Variants in GPC6 observed in about 807,000 individuals in gnomAD.
GPC6 encodes the protein glypican 6.
In GPC6, 14 loss-of-function variants were observed where a neutral mutation model predicts 55.2. The observed-to-expected ratio is 0.25, with a 90% CI of 0.17 to 0.40. GPC6 has a LOEUF of 0.40. GPC6 is among the 10% of genes least tolerant of loss of function. The pLI, the probability that GPC6 is intolerant of heterozygous loss-of-function variation, is 1.00. For synonymous variants in GPC6, 278 were observed against 259.6 expected (o/e 1.07, Z -0.68); for missense variants, 641 against 708.5 (o/e 0.90, Z 1.08).
intron 3 of GPC6, among the ~76,000 whole-genome samples, chr13:93,972,667 T>A (rs1880334968): frequency 6.6e-6 from 1 of 152,114 alleles, no homozygotes; most frequent in Non-Finnish European, 1.5e-5. Flanking sequence ...AAAAATAGAT[T>A]TTAAGAGTTT....
chr13:93,516,326 G>T (rs1456496603), intron 1 of GPC6, among the ~76,000 whole-genome samples: 1 of 152,086 alleles, frequency 6.6e-6, no homozygotes, highest in Non-Finnish European at 1.5e-5. Flanking sequence ...CTTGAATGGA[G>T]TCCTTATTAA....
intron 3 of GPC6, among the ~76,000 whole-genome samples, chr13:93,874,451 G>A (rs1889226301): frequency 6.6e-6 from 1 of 151,586 alleles, no homozygotes; most frequent in Non-Finnish European, 1.5e-5. Context: ...ATCTGCCACT[G>A]ATGGATGTTT....
At chr13:93,677,140 A>G (rs188726543) in intron 2 of GPC6, among the ~76,000 whole-genome samples, 1 of 152,294 alleles carries the variant, frequency 6.6e-6, no homozygotes, top group African/African-American at 2.4e-5. Flanking sequence ...AAAGTGTTAG[A>G]TTGAAGCAAT....
chr13:93,637,798 G>A (rs1252079018), intron 2 of GPC6, among the ~76,000 whole-genome samples: 1 of 152,066 alleles, frequency 6.6e-6, no homozygotes, highest in Non-Finnish European at 1.5e-5. Context: ...AGCCTGAAAT[G>A]CATTGCTAGA....
intron 4 of GPC6, among the ~76,000 whole-genome samples, chr13:94,131,005 TAA>T (rs1886983057): frequency 6.6e-6 from 1 of 152,156 alleles, no homozygotes; most frequent in Non-Finnish European, 1.5e-5. Flanking sequence ...TATTCTGAAT[TAA>T]TGAATTGCAA....
intron 3 of GPC6, among the ~76,000 whole-genome samples, chr13:93,851,694 G>C (rs1251655572): frequency 6.6e-6 from 1 of 151,748 alleles, no homozygotes; most frequent in Admixed American, 6.6e-5. Context: ...TTGAAAAACA[G>C]CATTATGTTT....
chr13:93,645,577 G>A (rs971095100), intron 2 of GPC6, among the ~76,000 whole-genome samples: 7 of 152,096 alleles, frequency 4.6e-5, no homozygotes, highest in Non-Finnish European at 8.8e-5. Flanking sequence ...ACTGTTCCTC[G>A]TACGTTTGAC....
At chr13:94,317,285 C>T (rs1455828323) in intron 6 of GPC6, among the ~76,000 whole-genome samples, 1 of 152,154 alleles carries the variant, frequency 6.6e-6, no homozygotes, top group Non-Finnish European at 1.5e-5. Context: ...GGATTTTGAC[C>T]TCAGAAAACT....
chr13:93,303,148 T>A (rs1038914913), intron 1 of GPC6, among the ~76,000 whole-genome samples: 3 of 152,200 alleles, frequency 2.0e-5, no homozygotes, highest in African/African-American at 7.2e-5. Flanking sequence ...CTTACACTAC[T>A]TCAATGGAGC....
At chr13:93,766,215 C>A (rs1885126925) in intron 2 of GPC6, among the ~76,000 whole-genome samples, 1 of 152,082 alleles carries the variant, frequency 6.6e-6, no homozygotes, top group Non-Finnish European at 1.5e-5. Context: ...TCAAATGATG[C>A]CGTTTTTAAT....
intron 2 of GPC6, among the ~76,000 whole-genome samples, chr13:93,676,117 AAAAAAAAAAATATATATATATAT>A (rs1289792025): frequency 1.8e-4 from 3 of 16,894 alleles, no homozygotes; most frequent in African/African-American, 4.1e-4. Context: ...AAAAAAAAAA[AAAAAAAAAAATATATATATATAT>A]ATATATATAT....
chr13:93,976,668 T>C (rs1319157465), intron 3 of GPC6, among the ~76,000 whole-genome samples: 1 of 151,456 alleles, frequency 6.6e-6, no homozygotes, highest in African/African-American at 2.4e-5. Context: ...TTGCTGTGAC[T>C]AGAAGCTCAT....
chr13:94,095,257 A>T, intron 4 of GPC6, among the ~76,000 whole-genome samples: 1 of 152,160 alleles, frequency 6.6e-6, no homozygotes, highest in East Asian at 1.9e-4. Flanking sequence ...AAAGAGTAGT[A>T]GGAAGTAAAG....
chr13:93,772,258 G>A (rs573862581), intron 2 of GPC6, among the ~76,000 whole-genome samples: 1 of 152,156 alleles, frequency 6.6e-6, no homozygotes, highest in East Asian at 1.9e-4. Flanking sequence ...GAAGATATCG[G>A]CATTGGTTAG....
chr13:94,361,333 ACT>A (rs1879050705), intron 6 of GPC6, among the ~76,000 whole-genome samples: 1 of 152,148 alleles, frequency 6.6e-6, no homozygotes, highest in Non-Finnish European at 1.5e-5. Context: ...AGTACCTGAC[ACT>A]CTGTAGTTGC....
At chr13:94,379,126 G>A (rs1242727120) in intron 6 of GPC6, among the ~76,000 whole-genome samples, 4 of 152,096 alleles carry the variant, frequency 2.6e-5, no homozygotes, top group African/African-American at 4.8e-5. Context: ...ATATTATTCA[G>A]AAATATAAAT....
chr13:93,444,561 C>T (rs1464370102), intron 1 of GPC6, among the ~76,000 whole-genome samples: 2 of 152,212 alleles, frequency 1.3e-5, no homozygotes, highest in East Asian at 1.9e-4. Context: ...AAGCTGAGAT[C>T]GCGCCACTGC....
chr13:93,808,657 G>A (rs1594475116), intron 2 of GPC6, among the ~76,000 whole-genome samples: 1 of 152,166 alleles, frequency 6.6e-6, no homozygotes, highest in African/African-American at 2.4e-5. Context: ...ATTAAACACA[G>A]AACTCCTATG....
chr13:93,256,420 G>T (rs1876954856), intron 1 of GPC6, among the ~76,000 whole-genome samples: 1 of 151,638 alleles, frequency 6.6e-6, no homozygotes, highest in Non-Finnish European at 1.5e-5. Flanking sequence ...AAATATTTTG[G>T]AGCAGTAATC....
Sources: gnomAD v4.1 joint callset for allele counts (sites outside exome capture counted in the v4.1 genomes callset) on GRCh38, gnomAD v4.1.1 for gene constraint, MANE v1.5 for transcripts, NCBI Gene and HGNC (gene_info 2026-07-23, HGNC 2026-07-21) for gene names.